Variants in MVB12B observed in about 807,000 individuals in gnomAD.
MVB12B encodes the protein ESCRT-I complex subunit MVB12B.
Under a neutral mutation model 41.6 loss-of-function variants are expected in MVB12B, and 16 were observed. The ratio of observed to expected loss-of-function variants is 0.38; its 90% CI spans 0.26 to 0.58. The LOEUF is 0.58. Among genes scored for constraint, MVB12B ranks in the 20% least tolerant of loss-of-function variants. The pLI, the probability that MVB12B is intolerant of heterozygous loss-of-function variation, is 0.62. For missense variants in MVB12B, 274 were observed against 380.2 expected, an observed-to-expected ratio of 0.72 and a Z score of 2.32; for synonymous variants, 133 against 139.7, an observed-to-expected ratio of 0.95 and a Z score of 0.34.
At chr9:126,413,141 A>G (rs1244033797) in intron 6 of MVB12B, among the ~76,000 whole-genome samples, 1 of 152,198 alleles carries the variant, frequency 6.6e-6, no homozygotes, top group Non-Finnish European at 1.5e-5. Context: ...AAAGCCTGTA[A>G]ACATCATTTT....
chr9:126,346,912 C>T (rs1016281045), intron 2 of MVB12B, among the ~76,000 whole-genome samples: 1 of 152,214 alleles, frequency 6.6e-6, no homozygotes, highest in South Asian at 2.1e-4. Flanking sequence ...AACTTGGTGG[C>T]AAGCTCAGAA....
At chr9:126,477,689 C>CAG (rs1350135783) in intron 7 of MVB12B, among the ~76,000 whole-genome samples, 4 of 152,224 alleles carry the variant, frequency 2.6e-5, no homozygotes, top group African/African-American at 7.2e-5. Flanking sequence ...AATTACCTCC[C>CAG]ACTGGCTCCC....
chr9:126,347,192 G>A (rs1391361416), intron 2 of MVB12B, among the ~76,000 whole-genome samples: 6 of 152,256 alleles, frequency 3.9e-5, no homozygotes, highest in African/African-American at 1.2e-4. Flanking sequence ...GGGCAGAGGA[G>A]TTGGGACCCA....
chr9:126,397,176 T>C, intron 6 of MVB12B: 4 of 985,510 alleles, frequency 4.1e-6, no homozygotes, highest in Non-Finnish European at 4.8e-6. Context: ...TTGTTACAGC[T>C]GCTCCCTGCT....
chr9:126,379,810 G>C (rs983242815), intron 2 of MVB12B, among the ~76,000 whole-genome samples: 1 of 152,150 alleles, frequency 6.6e-6, no homozygotes, highest in Non-Finnish European at 1.5e-5. Flanking sequence ...TCCCGCCTCC[G>C]CCCTGAGCCT....
chr9:126,413,717 G>A (rs1831715720), intron 6 of MVB12B, among the ~76,000 whole-genome samples: 2 of 152,102 alleles, frequency 1.3e-5, no homozygotes, highest in Admixed American at 1.3e-4. Flanking sequence ...TCGTCTTCCA[G>A]CATTTAGTAT....
chr9:126,445,804 T>C (rs1324739656), intron 7 of MVB12B, among the ~76,000 whole-genome samples: 1 of 152,176 alleles, frequency 6.6e-6, no homozygotes, highest in Non-Finnish European at 1.5e-5. Context: ...CCCTGTTGTT[T>C]TTTTTAATCT....
intron 1 of MVB12B, among the ~76,000 whole-genome samples, chr9:126,338,509 T>C (rs917282869): frequency 6.6e-6 from 1 of 151,620 alleles, no homozygotes; most frequent in Non-Finnish European, 1.5e-5. Flanking sequence ...CCCCCACTTC[T>C]CTCTCTCCTC....
chr9:126,448,379 C>T (rs1233196770), intron 7 of MVB12B: 1 of 152,232 alleles, frequency 6.6e-6, no homozygotes, highest in Non-Finnish European at 1.5e-5. Flanking sequence ...CAAATAATCA[C>T]CTTGTTATTA....
intron 7 of MVB12B, among the ~76,000 whole-genome samples, chr9:126,423,447 C>T (rs1832082225): frequency 6.6e-6 from 1 of 152,208 alleles, no homozygotes; most frequent in Admixed American, 6.5e-5. Context: ...TTCATTTCAG[C>T]TGTTAGTTTA....
intron 2 of MVB12B, among the ~76,000 whole-genome samples, chr9:126,358,664 C>G (rs543379818): frequency 6.6e-6 from 1 of 152,234 alleles, no homozygotes; most frequent in Non-Finnish European, 1.5e-5. Context: ...TTGTTAAACT[C>G]ACTTATTAGT....
intron 7 of MVB12B, among the ~76,000 whole-genome samples, chr9:126,427,956 C>T (rs12379732): frequency 1.4e-5 from 2 of 142,282 alleles, no homozygotes; most frequent in Non-Finnish European, 3.1e-5. Context: ...AGCTTTTTTT[C>T]TTTTTTTTTT....
intron 1 of MVB12B, among the ~76,000 whole-genome samples, chr9:126,337,623 C>T (rs1829320525): frequency 6.6e-6 from 1 of 152,174 alleles, no homozygotes. Context: ...GAAGGTGACC[C>T]GGCCACCTCC....
At chr9:126,495,370 T>C (rs1012908210) in intron 9 of MVB12B, among the ~76,000 whole-genome samples, 1 of 152,190 alleles carries the variant, frequency 6.6e-6, no homozygotes, top group African/African-American at 2.4e-5. Flanking sequence ...GAGCAAGTCA[T>C]GGTTTTGTCT....
intron 7 of MVB12B, among the ~76,000 whole-genome samples, chr9:126,454,071 C>T (rs1312509650): frequency 6.6e-6 from 1 of 152,224 alleles, no homozygotes; most frequent in Non-Finnish European, 1.5e-5. Flanking sequence ...CACCTGCTAG[C>T]ACCTCCCTTT....
intron 7 of MVB12B, among the ~76,000 whole-genome samples, chr9:126,465,266 T>C (rs557551878): frequency 6.6e-6 from 1 of 152,268 alleles, no homozygotes; most frequent in Non-Finnish European, 1.5e-5. Flanking sequence ...CTATCAGAGC[T>C]GGATCTTAAA....
chr9:126,328,769 C>T (rs1829051369), intron 1 of MVB12B, among the ~76,000 whole-genome samples: 1 of 151,292 alleles, frequency 6.6e-6, no homozygotes, highest in South Asian at 2.1e-4. Context: ...GAGTTTCTTT[C>T]TGTCTGCTTT....
chr9:126,383,510 C>T (rs562897412), intron 3 of MVB12B, among the ~76,000 whole-genome samples: 9 of 152,262 alleles, frequency 5.9e-5, no homozygotes, highest in African/African-American at 1.9e-4. Context: ...AGTTGGTTAT[C>T]TGTGGCTACC....
At chr9:126,450,079 C>CA (rs1832861234) in intron 7 of MVB12B, among the ~76,000 whole-genome samples, 5 of 152,352 alleles carry the variant, frequency 3.3e-5, no homozygotes, top group Admixed American at 3.3e-4. Flanking sequence ...CATCTAACAT[C>CA]AGAGTTAACC....
Sources: gnomAD v4.1 joint callset for allele counts (sites outside exome capture counted in the v4.1 genomes callset) on GRCh38, gnomAD v4.1.1 for gene constraint, MANE v1.5 for transcripts, NCBI Gene and HGNC (gene_info 2026-07-23, HGNC 2026-07-21) for gene names.